Variants in GRIK2 observed in about 807,000 individuals in gnomAD.
GRIK2 encodes glutamate receptor ionotropic, kainate 2.
A neutral mutation model predicts 100.3 loss-of-function variants in GRIK2; 32 were observed. The ratio of observed to expected loss-of-function variants is 0.32; its 90% CI spans 0.24 to 0.43. The LOEUF is 0.43. Ranked by LOEUF, GRIK2 falls within the 20% of genes least tolerant of loss-of-function variation. The pLI, the probability that GRIK2 is intolerant of heterozygous loss-of-function variation, is 1.00. For synonymous variants in GRIK2, 417 were observed against 389.4 expected (o/e 1.07, Z -0.83); for missense variants, 843 against 1,114.9 (o/e 0.76, Z 3.47).
intron 2 of GRIK2, among the ~76,000 whole-genome samples, chr6:101,406,296 T>C (rs1241829909): frequency 1.3e-5 from 2 of 152,152 alleles, no homozygotes; most frequent in Non-Finnish European, 2.9e-5. Flanking sequence ...CATTCAGATA[T>C]AGTATTTGGT....
At chr6:101,600,612 T>G (rs1044506475) in intron 2 of GRIK2, among the ~76,000 whole-genome samples, 1 of 151,870 alleles carries the variant, frequency 6.6e-6, no homozygotes, top group Non-Finnish European at 1.5e-5. Flanking sequence ...GTAGAGAACT[T>G]TCACCCTGTT....
At chr6:101,456,037 C>T (rs1299889376) in intron 2 of GRIK2, among the ~76,000 whole-genome samples, 1 of 150,440 alleles carries the variant, frequency 6.6e-6, no homozygotes, top group Admixed American at 6.6e-5. Flanking sequence ...ATCTGGAACA[C>T]AAAAAGCTTC....
intron 14 of GRIK2, among the ~76,000 whole-genome samples, chr6:101,992,482 C>T (rs1182801895): frequency 6.6e-6 from 1 of 151,526 alleles, no homozygotes; most frequent in African/African-American, 2.4e-5. Context: ...AAATAATGAG[C>T]CCGTCAAAGC....
chr6:101,911,769 A>G (rs546751736), intron 12 of GRIK2, among the ~76,000 whole-genome samples: 1 of 151,438 alleles, frequency 6.6e-6, no homozygotes, highest in Admixed American at 6.6e-5. Flanking sequence ...TTAGTCTAAT[A>G]TGATCATTTT....
intron 14 of GRIK2, among the ~76,000 whole-genome samples, chr6:101,991,796 A>G (rs1202251654): frequency 1.3e-5 from 2 of 151,560 alleles, no homozygotes; most frequent in Non-Finnish European, 3.0e-5. Flanking sequence ...TACCTTGTTT[A>G]TAACTGACAT....
At chr6:101,860,815 C>T (rs1784692964) in intron 11 of GRIK2, 1 of 196,562 alleles carries the variant, frequency 5.1e-6, no homozygotes, top group African/African-American at 2.4e-5. Context: ...TTCAAGGTTA[C>T]TATGGGGTTC....
intron 2 of GRIK2, among the ~76,000 whole-genome samples, chr6:101,457,049 T>G (rs1223105343): frequency 6.6e-6 from 1 of 152,152 alleles, no homozygotes; most frequent in African/African-American, 2.4e-5. Context: ...TAAACAATTC[T>G]AAAAGGAACA....
intron 4 of GRIK2, among the ~76,000 whole-genome samples, chr6:101,635,365 TA>T (rs1780954642): frequency 6.6e-6 from 1 of 152,036 alleles, no homozygotes; most frequent in African/African-American, 2.4e-5. Context: ...CAAGATGGAT[TA>T]AAGACTTAAA....
chr6:101,845,342 A>G (rs1380782337), intron 10 of GRIK2, among the ~76,000 whole-genome samples: 3 of 152,132 alleles, frequency 2.0e-5, no homozygotes, highest in Admixed American at 6.5e-5. Context: ...GGCCCTGGCA[A>G]TAGCCTATCT....
intron 9 of GRIK2, among the ~76,000 whole-genome samples, chr6:101,811,990 CT>C (rs1401546255): frequency 1.3e-5 from 2 of 150,900 alleles, no homozygotes; most frequent in Non-Finnish European, 3.0e-5. Flanking sequence ...TTACACATTC[CT>C]GAAAAACAAA....
At chr6:101,514,228 G>A (rs1309340617) in intron 2 of GRIK2, among the ~76,000 whole-genome samples, 1 of 151,718 alleles carries the variant, frequency 6.6e-6, no homozygotes, top group Non-Finnish European at 1.5e-5. Context: ...ATCATACCCT[G>A]CATAAAAATT....
chr6:101,955,620 C>G (rs1046530216), intron 14 of GRIK2, among the ~76,000 whole-genome samples: 3 of 134,640 alleles, frequency 2.2e-5, no homozygotes, highest in South Asian at 2.6e-4. Context: ...CTCTCTCCCC[C>G]CCATTTCTTT....
chr6:101,987,852 T>A (rs528383067), intron 14 of GRIK2, among the ~76,000 whole-genome samples: 1 of 151,802 alleles, frequency 6.6e-6, no homozygotes, highest in African/African-American at 2.4e-5. Flanking sequence ...TGATTTACAT[T>A]CATTTTTCTG....
chr6:101,872,939 T>C (rs1562454598), intron 11 of GRIK2, among the ~76,000 whole-genome samples: 1 of 151,824 alleles, frequency 6.6e-6, no homozygotes, highest in Non-Finnish European at 1.5e-5. Flanking sequence ...TAAAGCAGGG[T>C]TCACTCCTTA....
chr6:101,420,646 GA>G (rs1776368727), intron 2 of GRIK2, among the ~76,000 whole-genome samples: 2 of 152,104 alleles, frequency 1.3e-5, no homozygotes, highest in South Asian at 4.2e-4. Context: ...CAAAGCTTGA[GA>G]ACCCCTAATT....
chr6:101,653,501 T>C (rs929495496), intron 4 of GRIK2, among the ~76,000 whole-genome samples: 1 of 152,170 alleles, frequency 6.6e-6, no homozygotes, highest in Non-Finnish European at 1.5e-5. Flanking sequence ...TCATGCTGTC[T>C]CATTACTAAC....
intron 2 of GRIK2, among the ~76,000 whole-genome samples, chr6:101,411,508 A>C (rs1361314271): frequency 6.6e-6 from 1 of 152,118 alleles, no homozygotes; most frequent in African/African-American, 2.4e-5. Context: ...TTACCAAAGT[A>C]ACTGTACTTA....
intron 14 of GRIK2, among the ~76,000 whole-genome samples, chr6:101,989,030 A>T (rs962497156): frequency 6.6e-6 from 1 of 152,004 alleles, no homozygotes; most frequent in African/African-American, 2.4e-5. Flanking sequence ...CAGAGTCCAT[A>T]CTTGTTATTT....
chr6:101,937,372 G>T (rs1790681534), intron 14 of GRIK2, among the ~76,000 whole-genome samples: 1 of 152,098 alleles, frequency 6.6e-6, no homozygotes, highest in Non-Finnish European at 1.5e-5. Context: ...GCCCCACAGG[G>T]AGTGAGAAAA....
Sources: gnomAD v4.1 joint callset for allele counts (sites outside exome capture counted in the v4.1 genomes callset) on GRCh38, gnomAD v4.1.1 for gene constraint, MANE v1.5 for transcripts, NCBI Gene and HGNC (gene_info 2026-07-23, HGNC 2026-07-21) for gene names.